Variants in FBXO43 observed in about 807,000 individuals in gnomAD.
FBXO43 encodes F-box only protein 43.
FBXO43 carries 22 observed loss-of-function variants against 56.7 expected under a neutral mutation model. That is an observed-to-expected ratio of 0.39 (90% CI 0.28 to 0.55). The LOEUF (loss-of-function observed/expected upper bound fraction) is 0.55. Ranked by LOEUF, FBXO43 falls within the 20% of genes least tolerant of loss-of-function variation. The pLI, the probability that FBXO43 is intolerant of heterozygous loss-of-function variation, is 0.66. For missense variants in FBXO43, 733 were observed against 814.9 expected, an observed-to-expected ratio of 0.90 and a Z score of 1.22; for synonymous variants, 306 against 294.5, an observed-to-expected ratio of 1.04 and a Z score of -0.40.
At chr8:100,146,484 C>T (rs1814834356), upstream of FBXO43, among the ~76,000 whole-genome samples, 1 of 152,180 alleles carries the variant, frequency 6.6e-6, no homozygotes, top group African/African-American at 2.4e-5. Flanking sequence ...GAAATGTGTT[C>T]ATTGTTTACA....
upstream of FBXO43, among the ~76,000 whole-genome samples, chr8:100,145,972 C>T (rs966146625): frequency 6.6e-6 from 1 of 152,228 alleles, no homozygotes; most frequent in Non-Finnish European, 1.5e-5. Context: ...CTCACCCCTG[C>T]ACCCGTCCCG....
At chr8:100,135,027 AAAAT>A (rs1157355073) in intron 3 of FBXO43, among the ~76,000 whole-genome samples, 5 of 152,204 alleles carry the variant, frequency 3.3e-5, no homozygotes, top group Non-Finnish European at 5.9e-5. Flanking sequence ...ACACTAAGCA[AAAAT>A]AAATAAATAA....
rs965591952 is a variant in FBXO43, at chr8:100,140,850, C to T, written c.1404G>A (p.Glu468=). ...LQENSGHEFL[E]QGDGEKIAVL... ...CAGCTATTTTCTCCCCATCCCCTTG[C>T]TCTAAGAATTCATGTCCACTATTTT... The change falls in exon 2 of 5, where the codon GAG becomes GAA. Residue 468 remains glutamate (E), a synonymous_variant. Transcript: ENST00000428847. The T allele has an allele frequency of 6.2e-7, 1 of 1,614,110 alleles. No individual in the cohort carries two copies. The highest frequency in any genetic ancestry group is 2.2e-5 in the East Asian group (1 of 44,904).
Position 100,133,680 on chromosome 8 carries a change from T to C in FBXO43, c.*122A>G. 25 of 1,180,336 alleles carry C rather than the reference T, an allele frequency of 2.1e-5. No homozygotes were observed. Among genetic ancestry groups the C allele is most frequent in the Admixed American group, 5.1e-5 (2 of 39,532 alleles). 73.1% of individuals were successfully genotyped at this position (1,180,336 alleles called of 1,614,324 possible). On this transcript the variant is annotated 3_prime_UTR_variant, in exon 5 of 5. Coordinates refer to ENST00000428847, the MANE Select transcript of FBXO43 (RefSeq NM_001029860.4). The stretch of plus-strand genomic sequence containing the variant: ...ATACAATGACATCGATTATAATATA[T>C]ACAAAATAGGAAATTAATCATCACC...
chr8:100,139,769 T>C (rs1336923373), intron 2 of FBXO43, among the ~76,000 whole-genome samples: 1 of 152,268 alleles, frequency 6.6e-6, no homozygotes, highest in Non-Finnish European at 1.5e-5. Context: ...CTTCAGTTTC[T>C]AATTTCTTGA....
At position 100,133,757 on chromosome 8, in the gene FBXO43, C is replaced by A; in HGVS notation, c.*45G>T. On this transcript the variant is annotated 3_prime_UTR_variant, in exon 5 of 5. Coordinates refer to ENST00000428847, the MANE Select transcript of FBXO43 (RefSeq NM_001029860.4). ...ATTCAAAATATTCATAATTTTAAGT[C>A]AGATAAATAGAACACTGCATGGGGG... 2 of 1,538,658 alleles carry A rather than the reference C, an allele frequency of 1.3e-6. No individual in the cohort carries two copies. The highest frequency in any genetic ancestry group is 2.6e-5 in the South Asian group (2 of 78,080).
At position 100,137,741 on chromosome 8, in the gene FBXO43, T is replaced by C. The variant is rs1001845567; in HGVS notation, c.1572-74A>G. Reference sequence around the variant, plus strand: ...ACATTTTGTTGTATACGCTAACTAATGAGAAAAATTTGTTTTAAAGATTTC... The same window carrying C: ...ACATTTTGTTGTATACGCTAACTAACGAGAAAAATTTGTTTTAAAGATTTC... On this transcript the variant is annotated intron_variant, in intron 2 of 4. Coordinates refer to ENST00000428847, the MANE Select transcript of FBXO43 (RefSeq NM_001029860.4). 6 of 1,069,206 alleles carry C rather than the reference T, an allele frequency of 5.6e-6. No homozygotes were observed. In the African/African-American group the frequency reaches 9.9e-5, roughly 18 times the overall value. The allele number at this position is 1,069,206 out of a possible 1,614,324, so 66.2% of individuals were successfully genotyped here.
chr8:100,148,584 T>A (rs1814869307), upstream of FBXO43, among the ~76,000 whole-genome samples: 1 of 152,206 alleles, frequency 6.6e-6, no homozygotes, highest in Admixed American at 6.5e-5. Context: ...GCTAATTTTT[T>A]GTATTTTTAG....
In FBXO43 at chr8:100,133,667, C is replaced by A. The variant is rs3116074; in HGVS notation, c.*135G>T. 8.0e-6 allele frequency: 8 copies of A among 1,003,926 alleles called. No individual in the cohort carries two copies. In the Admixed American group the frequency reaches 1.2e-4, roughly 15 times the overall value. 62.2% of individuals were successfully genotyped at this position (1,003,926 alleles called of 1,614,324 possible). A position where few individuals can be genotyped will look rare whatever the true frequency, so the allele number is the denominator to read the frequency against. On this transcript the variant is annotated 3_prime_UTR_variant, in exon 5 of 5. Transcript: ENST00000428847. The stretch of plus-strand genomic sequence containing the variant: ...CTTTAAAGAAAACATACAATGACAT[C>A]GATTATAATATATACAAAATAGGAA...
Position 100,141,643 on chromosome 8 carries a change from C to A in FBXO43, c.611G>T (p.Ser204Ile). ...TTTTAAAGTGCTAGTAACTAAAGGG[C>A]TAAAATTATTTGCCCTGGAAAAACC... is the stretch of plus-strand genomic sequence containing the variant. ...ASGFSRANNF[S>I]PLVTSTLKTE... is the part of the protein sequence containing the mutation. The change falls in exon 2 of 5, where the codon AGC becomes ATC. Residue 204 changes from serine (S) to isoleucine (I), a missense_variant. Coordinates refer to ENST00000428847, the MANE Select transcript of FBXO43 (RefSeq NM_001029860.4). 6.2e-7 allele frequency: 1 copy of A among 1,613,096 alleles called. No individual in the cohort carries two copies.
At position 100,134,383 on chromosome 8, in the gene FBXO43, G is replaced by A. The variant is rs762991400; in HGVS notation, c.1675-19C>T. 4 of 1,607,668 alleles carry A rather than the reference G, an allele frequency of 2.5e-6. No homozygotes were observed. The highest frequency in any genetic ancestry group is 3.4e-6 in the Non-Finnish European group (4 of 1,175,758). On this transcript the variant is annotated intron_variant, in intron 3 of 4. Transcript: ENST00000428847. ...CAGCCCCCTGTGGTAAAGGACAAGA[G>A]GCATCAATACTGCAATACCAAAACA...
chr8:100,138,138 T>C (rs1814529017), intron 2 of FBXO43, among the ~76,000 whole-genome samples: 1 of 152,306 alleles, frequency 6.6e-6, no homozygotes, highest in African/African-American at 2.4e-5. Context: ...TAAATACTAT[T>C]ATGGGTCGCA....
chr8:100,147,320 AG>A (rs1814852718), upstream of FBXO43, among the ~76,000 whole-genome samples: 1 of 152,372 alleles, frequency 6.6e-6, no homozygotes, highest in African/African-American at 2.4e-5. Flanking sequence ...ACTCTACTGG[AG>A]AACAGAGTGC....
chr8:100,142,289 AGTTACTTT>A, intron 1 of FBXO43, 121 bp from the exon 2 acceptor site: 1 of 998,040 alleles, frequency 1.0e-6, no homozygotes. Flanking sequence ...ATTTTTGAAA[AGTTACTTT>A]AAAAAAACAA....
chr8:100,146,469 A>G (rs2132151395), upstream of FBXO43, among the ~76,000 whole-genome samples: 1 of 152,350 alleles, frequency 6.6e-6, no homozygotes, highest in South Asian at 2.1e-4. Flanking sequence ...CATAAAAACC[A>G]GAGTGAAATG....
intron 3 of FBXO43, among the ~76,000 whole-genome samples, chr8:100,136,433 A>C (rs1371387591): frequency 3.9e-5 from 6 of 152,212 alleles, no homozygotes; most frequent in African/African-American, 1.2e-4. Context: ...GAACTCTCAG[A>C]ATCTTTTTTG....
chr8:100,145,830 C>G (rs1186256544), upstream of FBXO43: 1 of 152,464 alleles, frequency 6.6e-6, no homozygotes, highest in Non-Finnish European at 1.5e-5. Flanking sequence ...ACGGCCCGCC[C>G]GGGGTAACCG....
chr8:100,145,082 A>C lies in FBXO43; in HGVS notation c.54T>G (p.Thr18=). ...ERISCLEAYV[T]LTSKSSRFTD... is the part of the protein sequence containing the mutation. ...TAAATCTTGAGCTCTTAGATGTCAA[A>C]GTTACGTAGGCTTCCAAACAAGAAA... is the stretch of plus-strand genomic sequence containing the variant. The change falls in exon 1 of 5, where the codon ACT becomes ACG. Residue 18 remains threonine, a synonymous_variant. Coordinates refer to ENST00000428847, the MANE Select transcript of FBXO43 (RefSeq NM_001029860.4). The C allele has an allele frequency of 6.2e-7, 1 of 1,612,308 alleles. No individual in the cohort carries two copies. Among genetic ancestry groups the C allele is most frequent in the Non-Finnish European group, 8.5e-7 (1 of 1,178,724 alleles).
At chr8:100,149,704 G>A (rs867439765), upstream of FBXO43, among the ~76,000 whole-genome samples, 30 of 152,124 alleles carry the variant, frequency 2.0e-4, no homozygotes, top group Non-Finnish European at 3.5e-4. Flanking sequence ...TCAGATTTCT[G>A]GATGGAGGGC....
Sources: allele counts gnomAD v4.1 joint callset (sites outside exome capture counted in the v4.1 genomes callset), GRCh38; gene constraint gnomAD v4.1.1; transcripts MANE v1.5; gene names NCBI Gene and HGNC (gene_info 2026-07-23, HGNC 2026-07-21).